Variants in PRIM2 observed in about 807,000 individuals in gnomAD.
PRIM2 encodes the protein DNA primase large subunit.
PRIM2 carries 39 observed loss-of-function variants against 67.3 expected under a neutral mutation model. The observed-to-expected ratio is 0.58, with a 90% CI of 0.45 to 0.76. The LOEUF is 0.76. PRIM2 is among the 30% of genes least tolerant of loss of function. The pLI is 0.00. For missense variants in PRIM2, 398 were observed against 598.7 expected (o/e 0.66, Z 3.50); for synonymous variants, 143 against 198.7 (o/e 0.72, Z 2.36).
chr6:57,277,276 A>T, the PRIM2 span, among the ~76,000 whole-genome samples: 3 of 152,226 alleles, frequency 2.0e-5, no homozygotes, highest in Non-Finnish European at 4.4e-5. Context: ...TCTAGGACAC[A>T]GCAGTGAACA....
chr6:57,407,631 A>C (rs1407437520), intron 7 of PRIM2, among the ~76,000 whole-genome samples: 1 of 152,240 alleles, frequency 6.6e-6, no homozygotes, highest in Non-Finnish European at 1.5e-5. Context: ...GTTAGGCCTG[A>C]GGCGGTACAC....
At chr6:57,589,778 G>A (rs1381559862) in intron 10 of PRIM2, among the ~76,000 whole-genome samples, 19 of 152,214 alleles carry the variant, frequency 1.2e-4, no homozygotes, top group South Asian at 1.0e-3. Context: ...GAACTATAGC[G>A]GCAAAGCAGG....
At chr6:57,430,510 G>A (rs1581897059) in intron 7 of PRIM2, among the ~76,000 whole-genome samples, 1 of 138,754 alleles carries the variant, frequency 7.2e-6, no homozygotes, top group East Asian at 2.2e-4. Context: ...CTGGAGTGCA[G>A]TGGCGCAATC....
At chr6:57,391,797 T>G (rs1024966970) in intron 7 of PRIM2, among the ~76,000 whole-genome samples, 2 of 152,196 alleles carry the variant, frequency 1.3e-5, no homozygotes, top group Non-Finnish European at 2.9e-5. Flanking sequence ...GGTAGTGTGA[T>G]GCCTCAAGCG....
intron 8 of PRIM2, among the ~76,000 whole-genome samples, chr6:57,531,254 G>A (rs1234413922): frequency 6.6e-6 from 1 of 152,118 alleles, no homozygotes; most frequent in African/African-American, 2.4e-5. Flanking sequence ...CCTGGCTCAA[G>A]CAATCCTCTT....
upstream of PRIM2, among the ~76,000 whole-genome samples, chr6:57,310,745 G>T (rs1250122725): frequency 4.1e-5 from 6 of 147,592 alleles, no homozygotes; most frequent in African/African-American, 1.3e-4. Flanking sequence ...TCCCAGACGG[G>T]GTGGCCAGGC....
At chr6:57,581,426 T>C (rs1776082645) in intron 10 of PRIM2, among the ~76,000 whole-genome samples, 1 of 152,232 alleles carries the variant, frequency 6.6e-6, no homozygotes, top group South Asian at 2.1e-4. Context: ...GGGTTGTCTG[T>C]GGTTTCTATC....
Position 57,406,337 on chromosome 6 carries a change from C to G in PRIM2, c.693+24169C>G, listed in dbSNP as rs557633735. Among the ~76,000 whole-genome samples, 98 of 152,322 alleles carry G rather than the reference C, an allele frequency of 6.4e-4. 2 individuals are homozygous for G. In the East Asian group the frequency reaches 0.016, roughly 25 times the overall value. ...TCCATGGTTTCTAATTCTGTACCTT[C>G]AATTTTCACTGCTTGTCTGTTTAAT... is the stretch of plus-strand genomic sequence containing the variant. On this transcript the variant is annotated intron_variant, in intron 7 of 13. Coordinates refer to ENST00000615550, the MANE Select transcript of PRIM2 (RefSeq NM_000947.5).
chr6:57,511,543 T>G (rs1474053582), intron 8 of PRIM2, among the ~76,000 whole-genome samples: 42 of 152,228 alleles, frequency 2.8e-4, no homozygotes, highest in Non-Finnish European at 2.8e-4. Context: ...AATTATCTCC[T>G]TAAGTAATTG....
At chr6:57,418,658 C>T in intron 7 of PRIM2, among the ~76,000 whole-genome samples, 1 of 151,758 alleles carries the variant, frequency 6.6e-6, no homozygotes, top group Middle Eastern at 3.2e-3. Context: ...CCTCGGCCTC[C>T]CAAAGTGCTG....
intron 12 of PRIM2, among the ~76,000 whole-genome samples, chr6:57,610,196 G>A (rs1345207413): frequency 1.3e-5 from 2 of 152,130 alleles, no homozygotes; most frequent in Admixed American, 1.3e-4. Flanking sequence ...AGCATCCCAA[G>A]TAGCTGGCAT....
At chr6:57,611,956 GA>G (rs1776674550) in intron 12 of PRIM2, among the ~76,000 whole-genome samples, 1 of 151,950 alleles carries the variant, frequency 6.6e-6, no homozygotes, top group Admixed American at 6.6e-5. Flanking sequence ...GTTCACCAAA[GA>G]AAAAGTGTGA....
the PRIM2 span, among the ~76,000 whole-genome samples, chr6:57,288,546 G>T: frequency 6.6e-6 from 1 of 152,264 alleles, no homozygotes; most frequent in East Asian, 1.9e-4. Flanking sequence ...CCCAATAGGG[G>T]CAACAGACAC....
At chr6:57,361,940 G>T (rs1414388889) in intron 5 of PRIM2, among the ~76,000 whole-genome samples, 1 of 152,090 alleles carries the variant, frequency 6.6e-6, no homozygotes, top group Non-Finnish European at 1.5e-5. Flanking sequence ...GATTAATGTA[G>T]GAAGGCGTCA....
Position 57,606,309 on chromosome 6 carries a change from T to C in PRIM2, c.1148-66T>C, listed in dbSNP as rs1301684684. 4 of 1,307,022 alleles carry C rather than the reference T, an allele frequency of 3.1e-6. No individual in the cohort carries two copies. The African/African-American group carries it at 4.4e-5, about 14-fold the overall frequency. The allele number at this position is 1,307,022 out of a possible 1,614,324, so 81.0% of individuals were successfully genotyped here. On this transcript the variant is annotated intron_variant, in intron 11 of 13. Coordinates refer to ENST00000615550, the MANE Select transcript of PRIM2 (RefSeq NM_000947.5). ...AGGGGAGCTTAGATGGTCTCTCGAG[T>C]GTGGTGTTGTACTAAGTTGTGGATA...
intron 7 of PRIM2, among the ~76,000 whole-genome samples, chr6:57,407,167 T>G (rs1770919436): frequency 1.3e-5 from 2 of 152,188 alleles, no homozygotes; most frequent in African/African-American, 4.8e-5. Context: ...GGAAAGGAAA[T>G]GAAATAATGT....
At chr6:57,288,414 C>A in the PRIM2 span, among the ~76,000 whole-genome samples, 7 of 152,288 alleles carry the variant, frequency 4.6e-5, no homozygotes, top group South Asian at 1.2e-3. Context: ...CCTAAACATT[C>A]CGGTCTGACA....
the PRIM2 span, among the ~76,000 whole-genome samples, chr6:57,307,315 A>T: frequency 2.0e-5 from 3 of 151,246 alleles, no homozygotes; most frequent in Non-Finnish European, 4.4e-5. Flanking sequence ...GTGCAGTGGC[A>T]CAATCTCGGC....
At chr6:57,339,396 A>G (rs1334569617) in intron 5 of PRIM2, among the ~76,000 whole-genome samples, 2 of 152,138 alleles carry the variant, frequency 1.3e-5, no homozygotes, top group Non-Finnish European at 2.9e-5. Context: ...CCGCATCGCC[A>G]AGTCAATCCT....
Sources: gnomAD v4.1 joint callset for allele counts (sites outside exome capture counted in the v4.1 genomes callset) on GRCh38, gnomAD v4.1.1 for gene constraint, MANE v1.5 for transcripts, NCBI Gene and HGNC (gene_info 2026-07-23, HGNC 2026-07-21) for gene names.